Variants in MBNL2 observed in about 807,000 individuals in gnomAD.
The protein encoded by MBNL2 is muscleblind-like protein 2.
In MBNL2, 17 loss-of-function variants were observed where a neutral mutation model predicts 41.9. The ratio of observed to expected loss-of-function variants is 0.41; its 90% CI spans 0.28 to 0.61. The LOEUF (loss-of-function observed/expected upper bound fraction) is 0.61. Ranked by LOEUF, MBNL2 falls within the 20% of genes least tolerant of loss-of-function variation. The probability of loss-of-function intolerance (pLI) is 0.35; values close to 1 mark genes in which losing one functional copy is unlikely to be tolerated. For missense variants in MBNL2, 336 were observed against 505.6 expected, an observed-to-expected ratio of 0.66 and a Z score of 3.22; for synonymous variants, 195 against 182.9, an observed-to-expected ratio of 1.07 and a Z score of -0.53.
intron 1 of MBNL2, among the ~76,000 whole-genome samples, chr13:97,254,583 T>A (rs1455332019): frequency 2.6e-5 from 4 of 152,212 alleles, no homozygotes; most frequent in Non-Finnish European, 5.9e-5. Context: ...TTTTAACTTC[T>A]GCGTTGACTT....
chr13:97,159,108 A>G, the MBNL2 span, among the ~76,000 whole-genome samples: 1 of 152,160 alleles, frequency 6.6e-6, no homozygotes, highest in Non-Finnish European at 1.5e-5. Flanking sequence ...TATTTATGAT[A>G]GTTAGCTCTT....
chr13:97,154,904 C>T, the MBNL2 span, among the ~76,000 whole-genome samples: 1 of 151,710 alleles, frequency 6.6e-6, no homozygotes, highest in African/African-American at 2.4e-5. Flanking sequence ...TTAGAGGGAC[C>T]AATATTGAGT....
the MBNL2 span, among the ~76,000 whole-genome samples, chr13:97,211,929 T>C: frequency 6.6e-6 from 1 of 152,210 alleles, no homozygotes; most frequent in African/African-American, 2.4e-5. Context: ...GTTAGTGTGA[T>C]GAATCTACTG....
At chr13:97,331,204 T>A (rs546305028) in intron 2 of MBNL2, among the ~76,000 whole-genome samples, 151 of 152,374 alleles carry the variant, frequency 9.9e-4, no homozygotes, top group Middle Eastern at 3.4e-3. Context: ...TACTATGTGC[T>A]AGGCATTTTT....
At chr13:97,159,665 T>G in the MBNL2 span, among the ~76,000 whole-genome samples, 7 of 149,918 alleles carry the variant, frequency 4.7e-5, no homozygotes, top group Non-Finnish European at 7.5e-5. Flanking sequence ...AAGCTTAGTT[T>G]GGCTGGATAT....
chr13:97,348,074 A>ATTTTT lies in MBNL2; in HGVS notation c.804+1025_804+1029dup, dbSNP rs71692187. ...GGTCTGGTGTGGTCTGGGCAGTGGG[A>ATTTTT]TTTTTTTTTTTTTTTTTTTTTTAAG... is the stretch of plus-strand genomic sequence containing the variant. On this transcript the variant is annotated intron_variant, in intron 5 of 8. Transcript: ENST00000679496. Among the ~76,000 whole-genome samples the ATTTTT allele has an allele frequency of 2.3e-3, 278 of 120,302 alleles. 1 individual carries two copies. The highest frequency in any genetic ancestry group is 7.5e-3 in the African/African-American group (242 of 32,446). 78.9% of individuals were successfully genotyped at this position (120,302 alleles called of 152,430 possible). A position where few individuals can be genotyped will look rare whatever the true frequency, so the allele number is the denominator to read the frequency against.
At chr13:97,261,334 A>G (rs1234441195) in intron 1 of MBNL2, among the ~76,000 whole-genome samples, 1 of 152,122 alleles carries the variant, frequency 6.6e-6, no homozygotes, top group Non-Finnish European at 1.5e-5. Flanking sequence ...CGATACACTC[A>G]GAAACAAATT....
At chr13:97,176,260 T>A in the MBNL2 span, among the ~76,000 whole-genome samples, 1 of 152,132 alleles carries the variant, frequency 6.6e-6, no homozygotes, top group East Asian at 1.9e-4. Context: ...GGCATTATAT[T>A]TTGAGGGTGA....
intron 8 of MBNL2, among the ~76,000 whole-genome samples, chr13:97,382,387 A>G (rs891828808): frequency 2.6e-5 from 4 of 152,234 alleles, no homozygotes; most frequent in African/African-American, 7.2e-5. Context: ...TTCAAGAAAC[A>G]TATCACCAAA....
chr13:97,146,317 A>C, the MBNL2 span, among the ~76,000 whole-genome samples: 1 of 152,176 alleles, frequency 6.6e-6, no homozygotes, highest in Admixed American at 6.5e-5. Flanking sequence ...ACTTTCTAAA[A>C]GAGTTTTGCC....
chr13:97,368,534 G>C (rs1417553435), intron 8 of MBNL2, among the ~76,000 whole-genome samples: 1 of 152,096 alleles, frequency 6.6e-6, no homozygotes, highest in Non-Finnish European at 1.5e-5. Context: ...TTTAAGAAAG[G>C]AAAAGAAGCC....
chr13:97,351,998 T>A (rs939735267), intron 5 of MBNL2, among the ~76,000 whole-genome samples: 1 of 140,824 alleles, frequency 7.1e-6, no homozygotes, highest in South Asian at 2.3e-4. Flanking sequence ...CACTCTAGCC[T>A]GGGTCACAGA....
rs1253647996 is a variant in MBNL2, at chr13:97,223,835, AAGG to A, written c.-605+1307_-605+1309del. Reference sequence around the variant, plus strand: ...TTCTAGACCCACTGTTTTTACTTTCAAGGAGAAGTGCAGGACACTAGCCCAGAA... The same window carrying A: ...TTCTAGACCCACTGTTTTTACTTTCAAGAAGTGCAGGACACTAGCCCAGAA... On this transcript the variant is annotated intron_variant, in intron 1 of 8. Transcript: ENST00000679496. Among the ~76,000 whole-genome samples, 3 of 152,206 alleles carry A rather than the reference AAGG, an allele frequency of 2.0e-5. No homozygotes were observed. In the East Asian group the frequency reaches 5.8e-4, roughly 29 times the overall value.
At chr13:97,152,302 G>T in the MBNL2 span, among the ~76,000 whole-genome samples, 1 of 152,046 alleles carries the variant, frequency 6.6e-6, no homozygotes, top group African/African-American at 2.4e-5. Flanking sequence ...TTTTTAAAAT[G>T]TGGTGTTAAT....
At chr13:97,218,526 A>G (rs2040604171), upstream of MBNL2, among the ~76,000 whole-genome samples, 1 of 151,536 alleles carries the variant, frequency 6.6e-6, no homozygotes, top group Admixed American at 6.6e-5. Context: ...GACAACTGAC[A>G]ATTTCTATTG....
At chr13:97,157,308 G>T in the MBNL2 span, among the ~76,000 whole-genome samples, 379 of 146,706 alleles carry the variant, frequency 2.6e-3, 2 homozygotes, top group Non-Finnish European at 2.7e-3. Context: ...AGACAATGGG[G>T]TTTTCTAGAT....
intron 2 of MBNL2, among the ~76,000 whole-genome samples, chr13:97,319,229 G>GT (rs59447779): frequency 0.12 from 18,907 of 152,152 alleles, 1,268 homozygotes; most frequent in East Asian, 0.18. Context: ...CCCGGCGGGT[G>GT]TTAGGGCTTG....
chr13:97,206,248 T>TC, the MBNL2 span, among the ~76,000 whole-genome samples: 1 of 152,230 alleles, frequency 6.6e-6, no homozygotes, highest in Admixed American at 6.5e-5. Context: ...CGTAGATTTT[T>TC]TTTCTTTTTT....
rs1306006550 is a variant in MBNL2, at chr13:97,389,698, C to A, written c.1049-1624C>A. 3.3e-5 allele frequency among the ~76,000 whole-genome samples: 5 copies of A among 149,984 alleles called. No homozygotes were observed. The South Asian group carries it at 1.1e-3, about 32-fold the overall frequency. ...TCCTAACTGGGCAACAGAGGGAGAC[C>A]CTGTCTCAAAAAAAAAAGAAAGAAA... On this transcript the variant is annotated intron_variant, in intron 8 of 8. Transcript: ENST00000679496.
Sources: gnomAD v4.1 joint callset for allele counts (sites outside exome capture counted in the v4.1 genomes callset) on GRCh38, gnomAD v4.1.1 for gene constraint, MANE v1.5 for transcripts, NCBI Gene and HGNC (gene_info 2026-07-23, HGNC 2026-07-21) for gene names.